The following MRPL1 variants were observed in gnomAD, a reference collection of about 807,000 sequenced individuals.
The protein encoded by MRPL1 is mitochondrial ribosomal protein L1, also known as large ribosomal subunit protein uL1m.
A neutral mutation model predicts 38.0 loss-of-function variants in MRPL1; 28 were observed. That is an observed-to-expected ratio of 0.74 (90% CI 0.55 to 1.01). MRPL1 has a LOEUF of 1.01. Ranked by LOEUF, MRPL1 falls within the 50% of genes least tolerant of loss-of-function variation. The pLI is 0.00. For missense variants in MRPL1, 358 were observed against 389.8 expected, an observed-to-expected ratio of 0.92 and a Z score of 0.69; for synonymous variants, 123 against 126.7, an observed-to-expected ratio of 0.97 and a Z score of 0.20.
At chr4:77,934,857 G>A (rs1736929144) in intron 7 of MRPL1, among the ~76,000 whole-genome samples, 1 of 152,102 alleles carries the variant, frequency 6.6e-6, no homozygotes, top group African/African-American at 2.4e-5. Flanking sequence ...TACAAATGAA[G>A]GAAATTGACG....
intron 7 of MRPL1, among the ~76,000 whole-genome samples, chr4:77,930,834 A>G (rs1167445939): frequency 1.3e-5 from 2 of 152,128 alleles, no homozygotes; most frequent in Admixed American, 6.5e-5. Context: ...TCTTTCCCGC[A>G]CTGCGCACTT....
intron 7 of MRPL1, among the ~76,000 whole-genome samples, chr4:77,937,837 T>C (rs955354406): frequency 6.6e-6 from 1 of 152,212 alleles, no homozygotes; most frequent in African/African-American, 2.4e-5. Flanking sequence ...CTGAAACCAC[T>C]GCTAAGCATT....
chr4:77,892,127 C>CTTTTTT (rs34043885), intron 5 of MRPL1, among the ~76,000 whole-genome samples: 2 of 145,004 alleles, frequency 1.4e-5, no homozygotes, highest in Non-Finnish European at 1.5e-5. Context: ...GTAGTCATTT[C>CTTTTTT]TTTTTTTTTT....
Position 77,902,346 on chromosome 4 carries a change from C to G in MRPL1, c.671-6920C>G, listed in dbSNP as rs186129509. ...CTATGATTGTGCCTGTGCATAGCCA[C>G]TGTACTCTAGCCAGGGCAACATAGT... On this transcript the variant is annotated intron_variant, in intron 6 of 8. Transcript: ENST00000315567. Among the ~76,000 whole-genome samples, 743 of 143,738 alleles carry G rather than the reference C, an allele frequency of 5.2e-3. 2 individuals are homozygous for G. Among genetic ancestry groups the G allele is most frequent in the Admixed American group, 9.9e-3 (139 of 14,000 alleles). 94.3% of individuals were successfully genotyped at this position (143,738 alleles called of 152,430 possible).
rs1027095865 is a variant in MRPL1 at position 77,909,212 on chromosome 4, A to C, written c.671-54A>C. The C allele has an allele frequency of 8.6e-6, 9 of 1,050,302 alleles. No homozygotes were observed. The African/African-American group carries it at 1.4e-4, about 17-fold the overall frequency. The allele number at this position is 1,050,302 out of a possible 1,614,324, so 65.1% of individuals were successfully genotyped here. On this transcript the variant is annotated intron_variant, in intron 6 of 8. Transcript: ENST00000315567. ...GAGATATGTGTTTCTTTTATTCAGT[A>C]ATTTTTACTACTTATTTGGAGTGAT... is the stretch of plus-strand genomic sequence containing the variant.
intron 6 of MRPL1, among the ~76,000 whole-genome samples, chr4:77,905,596 AAAG>A (rs1481764218): frequency 2.0e-5 from 3 of 152,100 alleles, no homozygotes; most frequent in African/African-American, 7.2e-5. Context: ...CAAATTAGAC[AAAG>A]AAGAAGGAAT....
intron 1 of MRPL1, 166 bp downstream of exon 1, chr4:77,863,045 G>A: frequency 1.3e-6 from 1 of 795,562 alleles, no homozygotes; most frequent in Non-Finnish European, 2.0e-6. Flanking sequence ...GTGACCTTAT[G>A]AAGGGTTTCA....
At position 77,904,568 on chromosome 4, in the gene MRPL1, AAG is replaced by A. The variant is rs569579274; in HGVS notation, c.671-4696_671-4695del. 4.2e-3 allele frequency among the ~76,000 whole-genome samples: 636 copies of A among 152,232 alleles called. 7 individuals carry two copies. The highest frequency in any genetic ancestry group is 0.015 in the African/African-American group (615 of 41,542). ...GACTGTGTCTCAAAAAAAAGAAAAAAAGAAATTAAAAGAGAGAATGATTTTTA... is the reference window on the plus strand; with the variant it reads ...GACTGTGTCTCAAAAAAAAGAAAAAAAAATTAAAAGAGAGAATGATTTTTA... On this transcript the variant is annotated intron_variant, in intron 6 of 8. Coordinates refer to ENST00000315567, the MANE Select transcript of MRPL1 (RefSeq NM_020236.4).
At chr4:77,935,819 C>G (rs1333098491) in intron 7 of MRPL1, among the ~76,000 whole-genome samples, 1 of 151,762 alleles carries the variant, frequency 6.6e-6, no homozygotes, top group Non-Finnish European at 1.5e-5. Context: ...GTAGTCCCAG[C>G]TACTCGGGAG....
intron 6 of MRPL1, among the ~76,000 whole-genome samples, chr4:77,906,133 G>T (rs989594263): frequency 2.6e-5 from 4 of 152,306 alleles, no homozygotes; most frequent in South Asian, 2.1e-4. Context: ...CCTTTGGAAG[G>T]CAGCTAAGTG....
intron 2 of MRPL1, among the ~76,000 whole-genome samples, chr4:77,872,720 G>A (rs4328941): frequency 0.48 from 73,074 of 151,940 alleles, 18,729 homozygotes; most frequent in Non-Finnish European, 0.57. Context: ...AAAATTGGCC[G>A]GGTGTGGGGG....
intron 2 of MRPL1, among the ~76,000 whole-genome samples, chr4:77,880,212 C>T (rs1735505063): frequency 6.6e-6 from 1 of 152,076 alleles, no homozygotes; most frequent in Non-Finnish European, 1.5e-5. Flanking sequence ...AAGGTATTGG[C>T]AGTTTATTTT....
Position 77,950,004 on chromosome 4 carries a change from C to A in MRPL1, c.859+126C>A, listed in dbSNP as rs865833318. 1.6e-5 allele frequency: 8 copies of A among 485,158 alleles called. No individual in the cohort carries two copies. The Middle Eastern group carries it at 2.0e-3, about 123-fold the overall frequency. 30.1% of individuals were successfully genotyped at this position (485,158 alleles called of 1,614,324 possible). ...AAATGTAAAATATTAAATAAAAAAT[C>A]AAGTTAACATGCAAGTTTTATATTT... On this transcript the variant is annotated intron_variant, in intron 8 of 8. Transcript: ENST00000315567.
intron 1 of MRPL1, among the ~76,000 whole-genome samples, chr4:77,867,216 TG>T (rs1560457570): frequency 6.6e-6 from 1 of 152,242 alleles, no homozygotes. Flanking sequence ...GGGATTTTTA[TG>T]TTTTATTCAC....
At chr4:77,871,508 G>C (rs945044379) in intron 1 of MRPL1, among the ~76,000 whole-genome samples, 2 of 151,952 alleles carry the variant, frequency 1.3e-5, no homozygotes, top group African/African-American at 4.8e-5. Context: ...GTTTCACCGT[G>C]TTAGCAAGGA....
At chr4:77,891,282 T>C (rs1194996952) in intron 5 of MRPL1, among the ~76,000 whole-genome samples, 1 of 98,040 alleles carries the variant, frequency 1.0e-5, no homozygotes, top group Non-Finnish European at 2.5e-5. Flanking sequence ...CTTTCTATTT[T>C]CTTCTTGCAA....
intron 6 of MRPL1, among the ~76,000 whole-genome samples, chr4:77,905,682 A>G (rs1379034031): frequency 1.3e-5 from 2 of 152,122 alleles, no homozygotes; most frequent in East Asian, 3.9e-4. Flanking sequence ...AATCTACATC[A>G]TCAATCTATC....
chr4:77,933,860 G>T (rs750322009), intron 7 of MRPL1, among the ~76,000 whole-genome samples: 5 of 152,080 alleles, frequency 3.3e-5, no homozygotes, highest in Admixed American at 6.6e-5. Flanking sequence ...TTCTACTGTG[G>T]GTTTTTAACT....
At chr4:77,883,083 C>G (rs12509847) in intron 2 of MRPL1, among the ~76,000 whole-genome samples, 159 bp from the exon 3 acceptor site, 82,419 of 151,952 alleles carry the variant, frequency 0.54, 22,656 homozygotes, top group Admixed American at 0.58. Context: ...AAGTTCACTT[C>G]ATGTTTGTTG....
Sources: allele counts gnomAD v4.1 joint callset (sites outside exome capture counted in the v4.1 genomes callset), GRCh38; gene constraint gnomAD v4.1.1; transcripts MANE v1.5; gene names NCBI Gene and HGNC (gene_info 2026-07-23, HGNC 2026-07-21).